The following SNX13 variants were observed in gnomAD, a reference collection of about 807,000 sequenced individuals.
SNX13 encodes sorting nexin 13.
In SNX13, 45 loss-of-function variants were observed where a neutral mutation model predicts 133.6. That is an observed-to-expected ratio of 0.34 (90% confidence interval 0.27 to 0.43). The LOEUF (loss-of-function observed/expected upper bound fraction) is 0.43. Among genes scored for constraint, SNX13 ranks in the 20% least tolerant of loss-of-function variants. The pLI is 1.00. For missense variants in SNX13, 1,032 were observed against 1,145.1 expected, an observed-to-expected ratio of 0.90 and a Z score of 1.43; for synonymous variants, 414 against 373.9, an observed-to-expected ratio of 1.11 and a Z score of -1.24.
chr7:17,868,566 C>T (rs1386800984), intron 8 of SNX13, 76 bp from the exon 9 acceptor site: 8 of 1,124,088 alleles, frequency 7.1e-6, no homozygotes, highest in African/African-American at 1.6e-5. Flanking sequence ...TATTCTAACA[C>T]AATGCTGTTA....
At chr7:17,807,689 G>A (rs1049851892) in intron 20 of SNX13, among the ~76,000 whole-genome samples, 2 of 152,148 alleles carry the variant, frequency 1.3e-5, no homozygotes, top group African/African-American at 4.8e-5. Flanking sequence ...TCCCATCAGG[G>A]GTCGACAGAC....
Position 17,919,673 on chromosome 7 carries a change from C to T in SNX13, c.12+20611G>A, listed in dbSNP as rs1185898330. Among the ~76,000 whole-genome samples the T allele has an allele frequency of 2.6e-5, 4 of 152,216 alleles. No individual in the cohort carries two copies. In the East Asian group the frequency reaches 7.7e-4, roughly 29 times the overall value. ...TAGAAAAATTGATACTATTCATATC[C>T]ACCTAAACATCAGATAAGTCAATGA... On this transcript the variant is annotated intron_variant, in intron 1 of 25. Transcript: ENST00000428135.
At chr7:17,867,829 T>G (rs1177053043) in intron 9 of SNX13, among the ~76,000 whole-genome samples, 2 of 152,004 alleles carry the variant, frequency 1.3e-5, no homozygotes, top group African/African-American at 2.4e-5. Context: ...TTACAATTCT[T>G]CCTTGACCAT....
In SNX13 at chr7:17,834,169, G is replaced by T. The variant is rs917060906; in HGVS notation, c.1480C>A (p.Leu494Ile). The T allele has an allele frequency of 6.3e-7, 1 of 1,583,812 alleles. No individual in the cohort carries two copies. Among genetic ancestry groups the T allele is most frequent in the East Asian group, 2.3e-5 (1 of 44,400 alleles). ...DIQRKVYELM[L>I]RDERFYPSFR... is the part of the protein sequence containing the mutation. ...GAAGGATAAAATCTTTCATCTCGTAGCATCAATTCATATACCTTGGTGAAA... is the reference window on the plus strand; with the variant it reads ...GAAGGATAAAATCTTTCATCTCGTATCATCAATTCATATACCTTGGTGAAA... The change falls in exon 15 of 26, where the codon CTA (leucine) becomes ATA (isoleucine). Residue 494 changes from leucine (L) to isoleucine (I), a missense_variant. Leu to Ile is a conservative substitution (Grantham distance 5, BLOSUM62 2). Transcript: ENST00000428135.
chr7:17,831,405 A>G (rs1435829580), intron 15 of SNX13: 3 of 861,636 alleles, frequency 3.5e-6, no homozygotes, highest in Admixed American at 6.3e-5. Flanking sequence ...AAATAATTTC[A>G]TAACTAAAGA....
chr7:17,893,023 T>C (rs1796801203), intron 3 of SNX13, among the ~76,000 whole-genome samples: 1 of 152,198 alleles, frequency 6.6e-6, no homozygotes, highest in African/African-American at 2.4e-5. Flanking sequence ...ATTGACATTG[T>C]TAAAAATCAT....
At position 17,794,299 on chromosome 7, in the gene SNX13, G is replaced by C; in HGVS notation, c.2627-7C>G. On this transcript the variant is annotated splice_polypyrimidine_tract_variant and splice_region_variant and intron_variant, in intron 25 of 25. Transcript: ENST00000428135. ...ATAATGTGCTTCAGCTCATCTAAAT[G>C]AAGTGGAGGAAAACACACATAATTA... 6.2e-7 allele frequency: 1 copy of C among 1,603,238 alleles called. No homozygotes were observed. Among genetic ancestry groups the C allele is most frequent in the Non-Finnish European group, 8.5e-7 (1 of 1,175,078 alleles).
chr7:17,799,118 G>C lies in SNX13; in HGVS notation c.2335C>G (p.Leu779Val). ...DNIPLRVMLL[L>V]MDEVFDLKER... Reference sequence around the variant, plus strand: ...TTTAAGTCGAATACTTCATCCATGAGAAGCAGCATTACCCTAAGTGGAATA... The same window carrying C: ...TTTAAGTCGAATACTTCATCCATGACAAGCAGCATTACCCTAAGTGGAATA... Residue 779 changes from leucine (L) to valine (V), a missense_variant, in exon 23 of 26, where the codon CTC (leucine) becomes GTC (valine). Physicochemically the swap from Leu to Val is conservative, Grantham distance 32. Coordinates refer to ENST00000428135, the MANE Select transcript of SNX13 (RefSeq NM_015132.5). The C allele has an allele frequency of 1.2e-6, 2 of 1,610,056 alleles. No individual in the cohort carries two copies. Among genetic ancestry groups the C allele is most frequent in the Non-Finnish European group, 1.7e-6 (2 of 1,177,670 alleles).
chr7:17,823,932 A>G (rs771166302), intron 17 of SNX13, among the ~76,000 whole-genome samples: 6 of 152,182 alleles, frequency 3.9e-5, no homozygotes, highest in Non-Finnish European at 8.8e-5. Flanking sequence ...AAGAATAATC[A>G]GGATTTGTCA....
At chr7:17,868,197 G>A (rs1375334124) in intron 9 of SNX13, 2 of 498,056 alleles carry the variant, frequency 4.0e-6, no homozygotes, top group East Asian at 7.1e-5. Context: ...TAACCGCAAG[G>A]AAGATAATCA....
chr7:17,931,244 A>G (rs1801360452), intron 1 of SNX13, among the ~76,000 whole-genome samples: 1 of 152,234 alleles, frequency 6.6e-6, no homozygotes, highest in Non-Finnish European at 1.5e-5. Flanking sequence ...AAATTCTGAG[A>G]AAACAAGCTA....
chr7:17,830,386 C>T, intron 15 of SNX13: 1 of 984,322 alleles, frequency 1.0e-6, no homozygotes, highest in South Asian at 4.7e-5. Context: ...GAAAACATTG[C>T]AGAATGAGGC....
At chr7:17,849,444 T>A (rs1465705904) in intron 11 of SNX13, among the ~76,000 whole-genome samples, 1 of 152,194 alleles carries the variant, frequency 6.6e-6, no homozygotes, top group Non-Finnish European at 1.5e-5. Context: ...CTTACCCCCA[T>A]CATCTCACAC....
intron 9 of SNX13, among the ~76,000 whole-genome samples, chr7:17,858,051 T>C (rs1317194200): frequency 6.6e-6 from 1 of 152,154 alleles, no homozygotes; most frequent in African/African-American, 2.4e-5. Flanking sequence ...ACACCATATA[T>C]GACAAACTCA....
At position 17,803,471 on chromosome 7, in the gene SNX13, A is replaced by T; in HGVS notation, c.2174T>A (p.Met725Lys). The part of the protein sequence containing the change: ...AEGMTKMSDN[M>K]GKMSERLGQD... Reference sequence around the variant, plus strand: ...ACCTAATCTTTCTGACATTTTGCCCATGTTGTCTGACATTTTAGTCATTCC... The same window carrying T: ...ACCTAATCTTTCTGACATTTTGCCCTTGTTGTCTGACATTTTAGTCATTCC... The change falls in exon 21 of 26, where the codon ATG becomes AAG. Residue 725 changes from methionine (M) to lysine (K), a missense_variant. Met to Lys is a moderately conservative substitution (Grantham distance 95, BLOSUM62 -1). Transcript: ENST00000428135. 6.2e-7 allele frequency: 1 copy of T among 1,612,670 alleles called. No individual in the cohort carries two copies. The highest frequency in any genetic ancestry group is 8.5e-7 in the Non-Finnish European group (1 of 1,179,278).
chr7:17,936,930 A>G (rs1447091160), intron 1 of SNX13, among the ~76,000 whole-genome samples: 2 of 151,534 alleles, frequency 1.3e-5, no homozygotes, highest in East Asian at 1.9e-4. Flanking sequence ...TGCCAAGTAT[A>G]GCAGGAGTCA....
intron 5 of SNX13, among the ~76,000 whole-genome samples, chr7:17,885,880 A>T (rs1213094533): frequency 1.3e-5 from 2 of 152,216 alleles, no homozygotes; most frequent in African/African-American, 4.8e-5. Context: ...ATATTTAGAT[A>T]AAATTTCTAA....
chr7:17,933,500 G>A (rs1485874525), intron 1 of SNX13, among the ~76,000 whole-genome samples: 1 of 150,320 alleles, frequency 6.7e-6, no homozygotes, highest in East Asian at 2.0e-4. Flanking sequence ...CTGAGATCGC[G>A]CCACTGCACT....
chr7:17,816,631 C>T (rs921119246), intron 18 of SNX13, among the ~76,000 whole-genome samples: 14 of 152,126 alleles, frequency 9.2e-5, no homozygotes, highest in Middle Eastern at 3.4e-3. Flanking sequence ...CCATTGCACT[C>T]CAGCCTGGGC....
Sources: gnomAD v4.1 joint callset for allele counts (sites outside exome capture counted in the v4.1 genomes callset) on GRCh38, gnomAD v4.1.1 for gene constraint, MANE v1.5 for transcripts, NCBI Gene and HGNC (gene_info 2026-07-23, HGNC 2026-07-21) for gene names.